Variants in SLC24A4 observed in about 807,000 individuals in gnomAD.
SLC24A4 encodes sodium/potassium/calcium exchanger 4.
In SLC24A4, 53 loss-of-function variants were observed where a neutral mutation model predicts 79.0. The ratio of observed to expected loss-of-function variants is 0.67; its 90% CI spans 0.54 to 0.84. The LOEUF (loss-of-function observed/expected upper bound fraction) is 0.84, where lower values mean the gene tolerates loss of function less well. Among genes scored for constraint, SLC24A4 ranks in the 40% least tolerant of loss-of-function variants. The pLI, the probability that SLC24A4 is intolerant of heterozygous loss-of-function variation, is 0.00. For synonymous variants in SLC24A4, 323 were observed against 323.8 expected (o/e 1.00, Z 0.03); for missense variants, 731 against 822.0 (o/e 0.89, Z 1.35).
At chr14:92,339,121 T>C (rs1885980144) in intron 2 of SLC24A4, among the ~76,000 whole-genome samples, 1 of 152,180 alleles carries the variant, frequency 6.6e-6, no homozygotes, top group Admixed American at 6.5e-5. Context: ...GGATGCATGT[T>C]GATGGAGCAA....
rs143332528 is a variant in SLC24A4 at position 92,440,462 on chromosome 14, G to C, written c.393+1053G>C. On this transcript the variant is annotated intron_variant, in intron 4 of 16. Transcript: ENST00000532405. ...TTGTTGCTTCTGCCTTCCAGAGGGG[G>C]CCCTTGGGAAGGATACAGTCAGCTG... is the stretch of plus-strand genomic sequence containing the variant. 1.8e-3 allele frequency among the ~76,000 whole-genome samples: 276 copies of C among 152,240 alleles called. 3 individuals are homozygous for C. The highest frequency in any genetic ancestry group is 6.1e-3 in the African/African-American group (253 of 41,544).
chr14:92,477,865 C>T (rs182562362), intron 12 of SLC24A4, among the ~76,000 whole-genome samples: 101 of 151,190 alleles, frequency 6.7e-4, no homozygotes, highest in Admixed American at 2.6e-3. Context: ...TCACTGCAAC[C>T]TCTGCCTTCT....
At chr14:92,444,922 TACACACACATACACACAC>T (rs1268458224) in intron 7 of SLC24A4, among the ~76,000 whole-genome samples, 2 of 77,014 alleles carry the variant, frequency 2.6e-5, no homozygotes, top group Non-Finnish European at 5.3e-5. Context: ...ACACCCTATA[TACACACACATACACACAC>T]ACACACACAC....
intron 2 of SLC24A4, among the ~76,000 whole-genome samples, chr14:92,425,922 G>T (rs149350550): frequency 6.6e-6 from 1 of 152,160 alleles, no homozygotes; most frequent in African/African-American, 2.4e-5. Flanking sequence ...GGTTGAGGCC[G>T]CAGTGAGCTG....
chr14:92,451,468 A>G (rs1282005638), intron 10 of SLC24A4: 1 of 152,152 alleles, frequency 6.6e-6, no homozygotes, highest in East Asian at 1.9e-4. Context: ...TGGAGATGAC[A>G]TTGGGGTTTC....
At chr14:92,492,991 CACACACACACACACACACACACACACAG>C (rs1359301638) in intron 16 of SLC24A4, 19 of 377,498 alleles carry the variant, frequency 5.0e-5, no homozygotes, top group African/African-American at 8.5e-5. Context: ...CACACACACA[CACACACACACACACACACACACACACAG>C]AGAAAGATTT....
chr14:92,334,363 C>G (rs1340892404), intron 2 of SLC24A4, among the ~76,000 whole-genome samples: 1 of 152,112 alleles, frequency 6.6e-6, no homozygotes, highest in Non-Finnish European at 1.5e-5. Flanking sequence ...GCACAGCCAC[C>G]AATGTGATTA....
chr14:92,465,010 T>C (rs1353453696), intron 12 of SLC24A4, among the ~76,000 whole-genome samples: 1 of 152,050 alleles, frequency 6.6e-6, no homozygotes, highest in Admixed American at 6.5e-5. Flanking sequence ...TATTCAGTAC[T>C]TAGAGTGTCC....
chr14:92,452,115 T>A (rs7144261), intron 10 of SLC24A4: 74,439 of 151,970 alleles, frequency 0.49, 19,037 homozygotes, highest in African/African-American at 0.64. Flanking sequence ...CAAGAGAGAA[T>A]ACTACCTAGA....
intron 2 of SLC24A4, among the ~76,000 whole-genome samples, chr14:92,338,947 T>C (rs549193032): frequency 6.6e-6 from 1 of 152,210 alleles, no homozygotes; most frequent in South Asian, 2.1e-4. Flanking sequence ...TTATAGCGAA[T>C]GATGACTGGA....
intron 2 of SLC24A4, among the ~76,000 whole-genome samples, chr14:92,358,568 A>G (rs557678613): frequency 6.6e-6 from 1 of 151,190 alleles, no homozygotes; most frequent in Non-Finnish European, 1.5e-5. Flanking sequence ...TCCAGGAGGC[A>G]CCCCCAACTT....
intron 2 of SLC24A4, among the ~76,000 whole-genome samples, chr14:92,336,927 A>G (rs1378730490): frequency 6.6e-6 from 1 of 152,168 alleles, no homozygotes; most frequent in Non-Finnish European, 1.5e-5. Context: ...TACCTGGAGG[A>G]ACGCTTGCTA....
intron 2 of SLC24A4, among the ~76,000 whole-genome samples, chr14:92,425,053 A>C (rs1891494178): frequency 6.6e-6 from 1 of 152,198 alleles, no homozygotes; most frequent in Non-Finnish European, 1.5e-5. Flanking sequence ...TGAGATCCGG[A>C]GGGAACAAAC....
In SLC24A4 at chr14:92,495,618, T is replaced by G. The variant is rs780570317; in HGVS notation, c.*1990T>G. ...GGTTCCAAAGTGCTTCTGTCTCTGT[T>G]TTGATTCTCCAAACTGCTCTGTGAT... On this transcript the variant is annotated 3_prime_UTR_variant, in exon 17 of 17. Transcript: ENST00000532405. 2.6e-5 allele frequency: 4 copies of G among 152,220 alleles called. No individual in the cohort carries two copies. The highest frequency in any genetic ancestry group is 4.8e-5 in the African/African-American group (2 of 41,442). The allele number at this position is 152,220 out of a possible 1,614,324, so 9.4% of individuals were successfully genotyped here.
At chr14:92,485,022 T>A (rs1367626718) in intron 13 of SLC24A4, 3 of 468,168 alleles carry the variant, frequency 6.4e-6, no homozygotes, top group African/African-American at 6.4e-5. Flanking sequence ...GTTTGCAGCA[T>A]GGTTGGTTGC....
intron 2 of SLC24A4, among the ~76,000 whole-genome samples, chr14:92,330,116 A>C (rs547364834): frequency 1.9e-4 from 29 of 150,340 alleles, no homozygotes; most frequent in African/African-American, 6.6e-4. Context: ...TCAGCCTGGG[A>C]GCATCACCTG....
At chr14:92,325,079 T>C (rs1254791989) in intron 1 of SLC24A4, among the ~76,000 whole-genome samples, 1 of 152,112 alleles carries the variant, frequency 6.6e-6, no homozygotes, top group Non-Finnish European at 1.5e-5. Context: ...TGTTTGGATT[T>C]TTTTCCCCCC....
At chr14:92,358,740 A>G (rs1427577933) in intron 2 of SLC24A4, among the ~76,000 whole-genome samples, 1 of 139,230 alleles carries the variant, frequency 7.2e-6, no homozygotes, top group Non-Finnish European at 1.5e-5. Context: ...TCTGTCACCT[A>G]GGCTGGAATG....
chr14:92,430,269 C>T (rs778394535), intron 2 of SLC24A4, among the ~76,000 whole-genome samples: 5 of 152,202 alleles, frequency 3.3e-5, no homozygotes, highest in Non-Finnish European at 5.9e-5. Flanking sequence ...CAGTGGCTAC[C>T]AAGTGGGTGC....
Sources: allele counts gnomAD v4.1 joint callset (sites outside exome capture counted in the v4.1 genomes callset), GRCh38; gene constraint gnomAD v4.1.1; transcripts MANE v1.5; gene names NCBI Gene and HGNC (gene_info 2026-07-23, HGNC 2026-07-21).